ASTN1: variants seen among roughly 807,000 people sequenced by gnomAD.
ASTN1 encodes the protein astrotactin-1.
In ASTN1, 41 loss-of-function variants were observed where a neutral mutation model predicts 140.7. The ratio of observed to expected loss-of-function variants is 0.29; its 90% CI spans 0.23 to 0.38. The LOEUF is 0.38. Ranked by LOEUF, ASTN1 falls within the 10% of genes least tolerant of loss-of-function variation. ASTN1 has a pLI of 1.00. For missense variants in ASTN1, 1,479 were observed against 1,678.8 expected (o/e 0.88, Z 2.08); for synonymous variants, 640 against 652.2 (o/e 0.98, Z 0.29).
chr1:176,970,940 A>G (rs1486629885), intron 8 of ASTN1, among the ~76,000 whole-genome samples: 2 of 152,226 alleles, frequency 1.3e-5, no homozygotes, highest in Non-Finnish European at 2.9e-5. Flanking sequence ...AAATGAAAGC[A>G]CATCCTTTCA....
chr1:176,864,147 C>A lies in ASTN1; in HGVS notation c.*137G>T, dbSNP rs1359926291. ...AAGAAGTTCTGCAGGGAGCAAGGAT[C>A]ACTTTCTCCCTGGTTTCGATGTTGC... On this transcript the variant is annotated 3_prime_UTR_variant, in exon 23 of 23. Transcript: ENST00000361833. The A allele has an allele frequency of 1.2e-5, 18 of 1,494,600 alleles. No individual in the cohort carries two copies. In the East Asian group the frequency reaches 4.1e-4, roughly 34 times the overall value. The allele number at this position is 1,494,600 out of a possible 1,614,324, so 92.6% of individuals were successfully genotyped here.
intron 15 of ASTN1, 64 bp from the exon 16 acceptor site, chr1:176,934,404 G>A (rs1227144448): frequency 1.2e-5 from 17 of 1,472,546 alleles, no homozygotes; most frequent in Non-Finnish European, 1.5e-5. Flanking sequence ...CGGATTCCCA[G>A]GCAATTCAGT....
chr1:176,879,453 A>G (rs535451537), intron 20 of ASTN1, among the ~76,000 whole-genome samples: 1 of 152,288 alleles, frequency 6.6e-6, no homozygotes, highest in South Asian at 2.1e-4. Context: ...CACCTTTTGT[A>G]GCCCACCATT....
intron 1 of ASTN1, among the ~76,000 whole-genome samples, chr1:177,098,490 A>T (rs1680146694): frequency 1.3e-5 from 2 of 152,196 alleles, no homozygotes; most frequent in Admixed American, 6.5e-5. Context: ...CCTCCAGATC[A>T]GTCACCTTGC....
At chr1:176,917,716 T>A (rs774460383) in intron 16 of ASTN1, among the ~76,000 whole-genome samples, 2 of 152,144 alleles carry the variant, frequency 1.3e-5, no homozygotes, top group Non-Finnish European at 2.9e-5. Flanking sequence ...TGTGGACAGA[T>A]GTCCTGTGTG....
chr1:176,956,938 C>G (rs922858870), intron 11 of ASTN1, among the ~76,000 whole-genome samples: 2 of 152,246 alleles, frequency 1.3e-5, no homozygotes, highest in Non-Finnish European at 2.9e-5. Context: ...CACTCTGTTG[C>G]CCAGGTTGAA....
chr1:176,881,842 A>G (rs918254848), intron 20 of ASTN1, among the ~76,000 whole-genome samples: 1 of 152,224 alleles, frequency 6.6e-6, no homozygotes, highest in African/African-American at 2.4e-5. Context: ...AATGCCACTC[A>G]AATTTCTAGT....
rs1392073397 is a variant in ASTN1, at chr1:177,024,730, C to T, written c.1123G>A (p.Gly375Ser). ...PSRSRRRSRV[G>S]SPRSPVNKTT... ...TTATTCACAGGACTTCGGGGAGAAC[C>T]CACTGAAAGTGAGACAAAAGCAAGA... The change falls in exon 6 of 23, where the codon GGT becomes AGT. Residue 375 changes from glycine to serine, a missense_variant and splice_region_variant. Gly to Ser is a moderately conservative substitution (Grantham distance 56). Around this residue, in one of 3 missense-constraint regions of ASTN1, gnomAD observed 729 missense variants for 860.4 expected, o/e 0.85. Coordinates refer to ENST00000361833, the MANE Select transcript of ASTN1 (RefSeq NM_004319.3). 2 of 1,612,702 alleles carry T rather than the reference C, an allele frequency of 1.2e-6. No individual in the cohort carries two copies. The highest frequency in any genetic ancestry group is 1.7e-6 in the Non-Finnish European group (2 of 1,178,900).
At chr1:176,995,979 A>G (rs1190017383) in intron 8 of ASTN1, among the ~76,000 whole-genome samples, 1 of 152,174 alleles carries the variant, frequency 6.6e-6, no homozygotes, top group African/African-American at 2.4e-5. Flanking sequence ...TCTGGATTCA[A>G]TGCTGTCCCC....
chr1:177,153,371 C>G (rs1683119879), intron 1 of ASTN1, among the ~76,000 whole-genome samples: 1 of 152,086 alleles, frequency 6.6e-6, no homozygotes, highest in South Asian at 2.1e-4. Context: ...AACTTTCCAA[C>G]CAACAGAACT....
At chr1:177,036,412 A>G (rs1676722988) in intron 2 of ASTN1, among the ~76,000 whole-genome samples, 1 of 152,146 alleles carries the variant, frequency 6.6e-6, no homozygotes, top group African/African-American at 2.4e-5. Flanking sequence ...ACTCAGCACA[A>G]GCATTTGAAA....
intron 8 of ASTN1, among the ~76,000 whole-genome samples, chr1:177,003,811 TA>T (rs544621736): frequency 2.2e-3 from 294 of 131,002 alleles, no homozygotes; most frequent in Non-Finnish European, 2.4e-3. Flanking sequence ...AGACTCTGTC[TA>T]AAAAAAAAAA....
chr1:176,970,319 C>A (rs968548411), intron 8 of ASTN1, among the ~76,000 whole-genome samples: 2 of 152,138 alleles, frequency 1.3e-5, no homozygotes, highest in East Asian at 1.9e-4. Flanking sequence ...GAGTAAAGAC[C>A]CTGCGTGACC....
At chr1:177,026,140 T>C (rs958253958) in intron 5 of ASTN1, among the ~76,000 whole-genome samples, 8 of 152,180 alleles carry the variant, frequency 5.3e-5, no homozygotes, top group African/African-American at 1.7e-4. Flanking sequence ...TCTGGGTGCA[T>C]GTGTTGGCAG....
chr1:177,090,321 A>G (rs1268916485), intron 1 of ASTN1, among the ~76,000 whole-genome samples: 1 of 151,946 alleles, frequency 6.6e-6, no homozygotes, highest in Non-Finnish European at 1.5e-5. Flanking sequence ...AATTGAGCAT[A>G]TGCAACATGC....
intron 5 of ASTN1, among the ~76,000 whole-genome samples, chr1:177,027,934 C>A (rs1423769501): frequency 6.6e-6 from 1 of 151,994 alleles, no homozygotes; most frequent in Non-Finnish European, 1.5e-5. Context: ...TTTCTACCAC[C>A]TATCACAAAC....
chr1:176,878,990 G>A (rs572066940), intron 20 of ASTN1, among the ~76,000 whole-genome samples: 42 of 152,188 alleles, frequency 2.8e-4, no homozygotes, highest in Non-Finnish European at 5.6e-4. Context: ...AGGTGGAGTG[G>A]CTTTATCCTT....
intron 13 of ASTN1, among the ~76,000 whole-genome samples, chr1:176,945,628 T>C (rs1354850774): frequency 2.6e-5 from 4 of 152,210 alleles, no homozygotes; most frequent in Admixed American, 2.6e-4. Context: ...CTTCCATTCA[T>C]AGGGAAATGG....
At position 176,884,381 on chromosome 1, in the gene ASTN1, C is replaced by T. The variant is rs747869835; in HGVS notation, c.3184G>A (p.Glu1062Lys). Reference protein sequence around the residue: ...VQIVDYLLRQEKVTDRMDHSK... With the variant: ...VQIVDYLLRQKKVTDRMDHSK... ...TGGTCCATCCTGTCAGTGACTTTCT[C>T]TTGACGGAGGAGGTAATCTACAATC... The change falls in exon 19 of 23, where the codon GAG (glutamate) becomes AAG (lysine). Residue 1062 changes from glutamate to lysine, a missense_variant. Transcript: ENST00000361833. 1.9e-6 allele frequency: 3 copies of T among 1,614,208 alleles called. No individual in the cohort carries two copies. The highest frequency in any genetic ancestry group is 1.6e-4 in the Middle Eastern group (1 of 6,062).
Sources: allele counts gnomAD v4.1 joint callset (sites outside exome capture counted in the v4.1 genomes callset), GRCh38; gene constraint gnomAD v4.1.1; regional missense constraint gnomAD v4.1.1; transcripts MANE v1.5; gene names NCBI Gene and HGNC (gene_info 2026-07-23, HGNC 2026-07-21).